USP21: variants seen among roughly 807,000 people sequenced by gnomAD.
USP21 encodes the protein ubiquitin carboxyl-terminal hydrolase 21.
Under a neutral mutation model 70.8 loss-of-function variants are expected in USP21, and 37 were observed. The observed-to-expected ratio is 0.52, with a 90% CI of 0.40 to 0.69. USP21 has a LOEUF of 0.69. Ranked by LOEUF, USP21 falls within the 30% of genes least tolerant of loss-of-function variation. USP21 has a pLI of 0.00. For missense variants in USP21, 584 were observed against 740.8 expected (o/e 0.79, Z 2.46); for synonymous variants, 263 against 283.1 (o/e 0.93, Z 0.71).
chr1:161,160,867 C>T lies in USP21; in HGVS notation c.227C>T (p.Pro76Leu), dbSNP rs745744328. Residue 76 changes from proline to leucine, a missense_variant, in exon 3 of 14, where the codon CCT (proline) becomes CTT (leucine). Physicochemically the swap from Pro to Leu is moderately conservative, Grantham distance 98. Coordinates refer to ENST00000368002, the MANE Select transcript of USP21 (RefSeq NM_001014443.3). ...CTGGGACGGGGACGGACCTCAGGCC[C>T]TCGTCCCAGAGGCCCCCTTCGAGCA... The part of the protein sequence containing the change: ...LELGRGRTSG[P>L]RPRGPLRADH... 15 of 1,614,148 alleles carry T rather than the reference C, an allele frequency of 9.3e-6. No individual in the cohort carries two copies. Among genetic ancestry groups the T allele is most frequent in the Non-Finnish European group, 1.2e-5 (14 of 1,180,056 alleles).
rs981129502 is a variant in USP21 at position 161,164,084 on chromosome 1, G to GA, written c.1219-78dup. 1 of 1,589,142 alleles carries GA rather than the reference G, an allele frequency of 6.3e-7. No homozygotes were observed. ...GGGAACCCTGTGGGTTTCTGGAGCA[G>GA]AACTGAAGCCTGGATTGATTGAGAA... On this transcript the variant is annotated intron_variant, in intron 9 of 13. Coordinates refer to ENST00000368002, the MANE Select transcript of USP21 (RefSeq NM_001014443.3). The surrounding 1 kb of genome is among the most constrained non-coding windows in gnomAD (Gnocchi z 4.2).
rs943716291 is a variant in USP21, at chr1:161,160,351, C to T, written c.-162-15C>T. 2.0e-6 allele frequency: 1 copy of T among 487,964 alleles called. No individual in the cohort carries two copies. The highest frequency in any genetic ancestry group is 3.7e-6 in the Non-Finnish European group (1 of 266,902). 30.2% of individuals were successfully genotyped at this position (487,964 alleles called of 1,614,324 possible). On this transcript the variant is annotated splice_polypyrimidine_tract_variant and intron_variant, in intron 1 of 13. Transcript: ENST00000368002. Reference sequence around the variant, plus strand: ...TAGATACTAAGTATTTACTTTGTACCAAACACGATGCCAGGTACTGGGGAT... The same window carrying T: ...TAGATACTAAGTATTTACTTTGTACTAAACACGATGCCAGGTACTGGGGAT...
chr1:161,162,989 C>T lies in USP21; in HGVS notation c.964C>T (p.Arg322Cys), dbSNP rs200512435. ...RLHLEINRRG[R>C]RAPPILANGP... ...ACACCTTGAAATCAACCGCCGAGGC[C>T]GCCGGGCTCCACCGATACTTGCCAA... The change falls in exon 7 of 14, where the codon CGC becomes TGC. Residue 322 changes from arginine to cysteine, a missense_variant. Transcript: ENST00000368002. The surrounding 1 kb of genome is among the most constrained non-coding windows in gnomAD (Gnocchi z 4.1). 76 of 1,613,818 alleles carry T rather than the reference C, an allele frequency of 4.7e-5. No individual in the cohort carries two copies. The highest frequency in any genetic ancestry group is 6.2e-5 in the Non-Finnish European group (73 of 1,179,962).
intron 1 of USP21, 106 bp from the exon 2 acceptor site, chr1:161,160,259 AG>A: frequency 4.4e-6 from 1 of 226,902 alleles, no homozygotes; most frequent in Non-Finnish European, 8.8e-6. Flanking sequence ...TTCTGCAGGG[AG>A]GGGTCGGGAG....
intron 7 of USP21, 53 bp downstream of exon 7, chr1:161,163,127 C>T (rs1658085586): frequency 2.6e-6 from 4 of 1,533,578 alleles, no homozygotes; most frequent in East Asian, 4.5e-5. Flanking sequence ...GCATCATTCA[C>T]ACTTCATAGA....
rs1418193867 is a variant in USP21, at chr1:161,161,144, C to G, written c.504C>G (p.Thr168=). Residue 168 remains threonine (T), a synonymous_variant, in exon 3 of 14, where the codon ACC becomes ACG. Coordinates refer to ENST00000368002, the MANE Select transcript of USP21 (RefSeq NM_001014443.3). This position sits in a 1 kb window ranked among gnomAD's most constrained non-coding sequence, Gnocchi z 4.2. The part of the protein sequence containing the change: ...RRLGGFPGPP[T]LFSIRTEPPA... Reference sequence around the variant, plus strand: ...TAGGGGGCTTTCCTGGACCCCCTACCCTGTTCAGCATACGGACAGAGCCCC... The same window carrying G: ...TAGGGGGCTTTCCTGGACCCCCTACGCTGTTCAGCATACGGACAGAGCCCC... The G allele has an allele frequency of 6.2e-7, 1 of 1,614,094 alleles. No homozygotes were observed. Among genetic ancestry groups the G allele is most frequent in the Non-Finnish European group, 8.5e-7 (1 of 1,179,956 alleles).
Position 161,164,705 on chromosome 1 carries a change from A to G in USP21, c.1384+93A>G, listed in dbSNP as rs1353213648. On this transcript the variant is annotated intron_variant, in intron 11 of 13. Coordinates refer to ENST00000368002, the MANE Select transcript of USP21 (RefSeq NM_001014443.3). The surrounding 1 kb of genome is among the most constrained non-coding windows in gnomAD (Gnocchi z 4.2). ...CCAGAGAATTGAATTTTCCTTAGGAAAAGTCTGCCACCCACTTTTCCACAA... is the reference window on the plus strand; with the variant it reads ...CCAGAGAATTGAATTTTCCTTAGGAGAAGTCTGCCACCCACTTTTCCACAA... 6.2e-7 allele frequency: 1 copy of G among 1,603,826 alleles called. No homozygotes were observed. The highest frequency in any genetic ancestry group is 8.5e-7 in the Non-Finnish European group (1 of 1,173,148).
At position 161,162,465 on chromosome 1, in the gene USP21, T is replaced by C; in HGVS notation, c.781+75T>C. 6.4e-7 allele frequency: 1 copy of C among 1,558,382 alleles called. No individual in the cohort carries two copies. The highest frequency in any genetic ancestry group is 8.7e-7 in the Non-Finnish European group (1 of 1,145,952). On this transcript the variant is annotated intron_variant, in intron 5 of 13. Coordinates refer to ENST00000368002, the MANE Select transcript of USP21 (RefSeq NM_001014443.3). This position sits in a 1 kb window ranked among gnomAD's most constrained non-coding sequence, Gnocchi z 4.1. ...CACTTGCAGGTCCATCTGCCACTGG[T>C]GGTGGCCCCCAACCCTTAAATCTGG...
In USP21 at chr1:161,162,496, G is replaced by T. The variant is rs956039107; in HGVS notation, c.781+106G>T. The T allele has an allele frequency of 1.3e-6, 2 of 1,552,474 alleles. No individual in the cohort carries two copies. Among genetic ancestry groups the T allele is most frequent in the East Asian group, 2.3e-5 (1 of 44,388 alleles). On this transcript the variant is annotated intron_variant, in intron 5 of 13. Coordinates refer to ENST00000368002, the MANE Select transcript of USP21 (RefSeq NM_001014443.3). This position sits in a 1 kb window ranked among gnomAD's most constrained non-coding sequence, Gnocchi z 4.1. ...CCCCCAACCCTTAAATCTGGCAGTT[G>T]TATCTACTTTTCCCAGTGCCTACTT...
chr1:161,164,345 A>G lies in USP21; in HGVS notation c.1305+95A>G. The G allele has an allele frequency of 7.3e-7, 1 of 1,379,038 alleles. No individual in the cohort carries two copies. Among genetic ancestry groups the G allele is most frequent in the Non-Finnish European group, 1.0e-6 (1 of 971,124 alleles). 85.4% of individuals were successfully genotyped at this position (1,379,038 alleles called of 1,614,324 possible). Reference sequence around the variant, plus strand: ...ATTGCATGATGTCTTCATATGGGGAATAATATTTATGTATCTGGGTTTGTG... The same window carrying G: ...ATTGCATGATGTCTTCATATGGGGAGTAATATTTATGTATCTGGGTTTGTG... On this transcript the variant is annotated intron_variant, in intron 10 of 13. Coordinates refer to ENST00000368002, the MANE Select transcript of USP21 (RefSeq NM_001014443.3). This position sits in a 1 kb window ranked among gnomAD's most constrained non-coding sequence, Gnocchi z 4.2.
chr1:161,162,338 G>A lies in USP21; in HGVS notation c.729G>A (p.Arg243=). The A allele has an allele frequency of 1.2e-6, 2 of 1,613,668 alleles. No individual in the cohort carries two copies. Among genetic ancestry groups the A allele is most frequent in the South Asian group, 1.1e-5 (1 of 90,974 alleles). ...CTCTTCGGGACTTCTGTCTGAGAAG[G>A]GACTTCCGGCAAGAGGTGCCTGGAG... ...TRPLRDFCLR[R]DFRQEVPGGG... The change falls in exon 5 of 14, where the codon AGG becomes AGA. Residue 243 remains arginine (R), a synonymous_variant. Transcript: ENST00000368002. This position sits in a 1 kb window ranked among gnomAD's most constrained non-coding sequence, Gnocchi z 4.1.
Position 161,160,994 on chromosome 1 carries a change from C to A in USP21, c.354C>A (p.Asp118Glu). 3.1e-6 allele frequency: 5 copies of A among 1,614,252 alleles called. No homozygotes were observed. The highest frequency in any genetic ancestry group is 4.2e-6 in the Non-Finnish European group (5 of 1,180,050). Residue 118 changes from aspartate (D) to glutamate (E), a missense_variant, in exon 3 of 14, where the codon GAC (aspartate) becomes GAA (glutamate). Asp to Glu is a conservative substitution (Grantham distance 45). Transcript: ENST00000368002. ...LARSKSVSSG[D>E]LRPMGIALGG... ...GTTCCAAGTCTGTGAGCAGTGGGGA[C>A]TTGCGTCCAATGGGGATTGCCTTGG...
chr1:161,165,227 G>A, intron 13 of USP21, 84 bp downstream of exon 13: 2 of 1,455,754 alleles, frequency 1.4e-6, no homozygotes, highest in Non-Finnish European at 1.9e-6. Flanking sequence ...CAGGAGAGCA[G>A]AGTGCCAGGT....
In USP21 at chr1:161,162,991, C is replaced by T. The variant is rs757859694; in HGVS notation, c.966C>T (p.Arg322=). 6.2e-7 allele frequency: 1 copy of T among 1,613,956 alleles called. No homozygotes were observed. The highest frequency in any genetic ancestry group is 1.7e-5 in the Admixed American group (1 of 59,938). The part of the protein sequence containing the change: ...RLHLEINRRG[R]RAPPILANGP... ...ACCTTGAAATCAACCGCCGAGGCCG[C>T]CGGGCTCCACCGATACTTGCCAATG... is the stretch of plus-strand genomic sequence containing the variant. The change falls in exon 7 of 14, where the codon CGC becomes CGT. Residue 322 remains arginine, a synonymous_variant. Coordinates refer to ENST00000368002, the MANE Select transcript of USP21 (RefSeq NM_001014443.3). The surrounding 1 kb of genome is among the most constrained non-coding windows in gnomAD (Gnocchi z 4.1).
At position 161,160,805 on chromosome 1, in the gene USP21, G is replaced by T. The variant is rs202128032; in HGVS notation, c.165G>T (p.Arg55=). The change falls in exon 3 of 14, where the codon CGG becomes CGT. Residue 55 remains arginine, a synonymous_variant. Transcript: ENST00000368002. ...CCATGTTACGACCTCTGCCTCCCCG[G>T]CCAGGTCTGCCTGATGAACGGCTCA... ...PNPMLRPLPP[R]PGLPDERLKK... is the part of the protein sequence containing the mutation. 5.0e-6 allele frequency: 8 copies of T among 1,614,052 alleles called. No homozygotes were observed. Among genetic ancestry groups the T allele is most frequent in the Non-Finnish European group, 6.8e-6 (8 of 1,180,042 alleles).
intron 1 of USP21, among the ~76,000 whole-genome samples, 153 bp downstream of exon 1, chr1:161,159,831 G>C (rs1571273713): frequency 6.6e-6 from 1 of 152,210 alleles, no homozygotes; most frequent in Admixed American, 6.5e-5. Context: ...GGACCGCGGG[G>C]AATACGCCGC....
chr1:161,162,514 G>A lies in USP21; in HGVS notation c.782-101G>A. 3 of 1,535,342 alleles carry A rather than the reference G, an allele frequency of 2.0e-6. No homozygotes were observed. Among genetic ancestry groups the A allele is most frequent in the Non-Finnish European group, 1.8e-6 (2 of 1,115,850 alleles). On this transcript the variant is annotated intron_variant, in intron 5 of 13. Transcript: ENST00000368002. This position sits in a 1 kb window ranked among gnomAD's most constrained non-coding sequence, Gnocchi z 4.1. Reference sequence around the variant, plus strand: ...GGCAGTTGTATCTACTTTTCCCAGTGCCTACTTTCCTAAAGGTTATTTTCT... The same window carrying A: ...GGCAGTTGTATCTACTTTTCCCAGTACCTACTTTCCTAAAGGTTATTTTCT...
chr1:161,163,463 T>C, intron 7 of USP21, 92 bp from the exon 8 acceptor site: 1 of 1,146,102 alleles, frequency 8.7e-7, no homozygotes, highest in Non-Finnish European at 1.3e-6. Context: ...GGATGGGGAG[T>C]AGGGCTCTGT....
chr1:161,161,101 G>A lies in USP21; in HGVS notation c.461G>A (p.Ser154Asn). 2 of 1,614,236 alleles carry A rather than the reference G, an allele frequency of 1.2e-6. No individual in the cohort carries two copies. The highest frequency in any genetic ancestry group is 1.7e-6 in the Non-Finnish European group (2 of 1,180,034). Residue 154 changes from serine (S) to asparagine (N), a missense_variant, in exon 3 of 14, where the codon AGC (serine) becomes AAC (asparagine). Ser to Asn is a conservative substitution (Grantham distance 46, BLOSUM62 1). This residue lies in a region of USP21 where 284 missense variants were observed against 281.0 expected (regional missense o/e 1.01). Coordinates refer to ENST00000368002, the MANE Select transcript of USP21 (RefSeq NM_001014443.3). This position sits in a 1 kb window ranked among gnomAD's most constrained non-coding sequence, Gnocchi z 4.2. The stretch of plus-strand genomic sequence containing the variant: ...CCTGAGCCACCCACTTTGAGACGTA[G>A]CACTTCTCTCCGCCGCCTAGGGGGC... ...LRPEPPTLRR[S>N]TSLRRLGGFP...
Sources: allele counts gnomAD v4.1 joint callset (sites outside exome capture counted in the v4.1 genomes callset), GRCh38; gene constraint gnomAD v4.1.1; regional missense constraint gnomAD v4.1.1; non-coding constraint Gnocchi (gnomAD v3.1); transcripts MANE v1.5; gene names NCBI Gene and HGNC (gene_info 2026-07-23, HGNC 2026-07-21).